The following OSBPL9 variants were observed in gnomAD, a reference collection of about 807,000 sequenced individuals.
OSBPL9 encodes the protein oxysterol binding protein like 9.
OSBPL9 carries 40 observed loss-of-function variants against 106.6 expected under a neutral mutation model. The ratio of observed to expected loss-of-function variants is 0.38; its 90% CI spans 0.29 to 0.49. OSBPL9 has a LOEUF of 0.49. Ranked by LOEUF, OSBPL9 falls within the 20% of genes least tolerant of loss-of-function variation. The pLI is 0.97. For missense variants in OSBPL9, 609 were observed against 887.2 expected (o/e 0.69, Z 3.98); for synonymous variants, 269 against 295.4 (o/e 0.91, Z 0.92).
the OSBPL9 span, among the ~76,000 whole-genome samples, chr1:51,543,747 A>T: frequency 6.6e-6 from 1 of 152,228 alleles, no homozygotes; most frequent in South Asian, 2.1e-4. Context: ...CACACATCTA[A>T]CTCAAAGCAG....
chr1:51,627,717 A>G (rs537854157), intron 1 of OSBPL9, among the ~76,000 whole-genome samples: 28 of 148,820 alleles, frequency 1.9e-4, no homozygotes, highest in Admixed American at 4.7e-4. Flanking sequence ...TGTCTCTCCT[A>G]ATTCTGTTTT....
chr1:51,585,734 C>T (rs1645244461), intron 1 of OSBPL9, among the ~76,000 whole-genome samples: 1 of 151,666 alleles, frequency 6.6e-6, no homozygotes, highest in African/African-American at 2.4e-5. Context: ...TGAGATCGTG[C>T]CACTGCGCTC....
intron 3 of OSBPL9, among the ~76,000 whole-genome samples, chr1:51,708,660 T>A (rs1163381048): frequency 6.6e-6 from 1 of 152,238 alleles, no homozygotes; most frequent in African/African-American, 2.4e-5. Flanking sequence ...GGCTTAAACA[T>A]TTGCCATCTT....
At chr1:51,753,525 T>G (rs1274885389) in intron 8 of OSBPL9, among the ~76,000 whole-genome samples, 1 of 152,242 alleles carries the variant, frequency 6.6e-6, no homozygotes, top group Non-Finnish European at 1.5e-5. Context: ...AAATATAAAT[T>G]GTTATAGCCA....
intron 3 of OSBPL9, among the ~76,000 whole-genome samples, chr1:51,708,427 A>G (rs1659090264): frequency 6.6e-6 from 1 of 152,032 alleles, no homozygotes; most frequent in African/African-American, 2.4e-5. Context: ...TCTGTTTTAC[A>G]TTTGTTGTAT....
intron 4 of OSBPL9, among the ~76,000 whole-genome samples, chr1:51,731,551 C>T (rs1422374406): frequency 6.6e-6 from 1 of 152,022 alleles, no homozygotes; most frequent in African/African-American, 2.4e-5. Flanking sequence ...CCGAGGCGGC[C>T]GGATCTCTTG....
intron 4 of OSBPL9, chr1:51,730,114 C>A (rs1462126421): frequency 4.0e-6 from 5 of 1,250,066 alleles, no homozygotes; most frequent in Non-Finnish European, 4.0e-6. Flanking sequence ...TCCTTCCCGC[C>A]GCCCCCTGGG....
intron 1 of OSBPL9, among the ~76,000 whole-genome samples, chr1:51,634,177 A>T (rs1246933003): frequency 1.3e-5 from 2 of 151,980 alleles, no homozygotes; most frequent in African/African-American, 4.8e-5. Flanking sequence ...CCTTTTTATA[A>T]TCTTGTTATT....
chr1:51,604,798 C>G (rs1041848866), intron 2 of OSBPL9, among the ~76,000 whole-genome samples: 3 of 151,896 alleles, frequency 2.0e-5, no homozygotes, highest in Non-Finnish European at 2.9e-5. Context: ...GGATTACAGG[C>G]GCCTGCCACC....
At chr1:51,536,889 G>A in the OSBPL9 span, among the ~76,000 whole-genome samples, 317 of 152,264 alleles carry the variant, frequency 2.1e-3, no homozygotes, top group African/African-American at 6.9e-3. Context: ...TTTGATCAGC[G>A]GATTAAGGTG....
intron 1 of OSBPL9, among the ~76,000 whole-genome samples, chr1:51,588,088 C>T (rs1645254838): frequency 6.6e-6 from 1 of 152,068 alleles, no homozygotes; most frequent in African/African-American, 2.4e-5. Flanking sequence ...ATTATGTATA[C>T]AGAAAAAAAT....
chr1:51,686,361 A>T (rs1653803553), intron 3 of OSBPL9, among the ~76,000 whole-genome samples: 1 of 152,186 alleles, frequency 6.6e-6, no homozygotes, highest in Admixed American at 6.5e-5. Flanking sequence ...TCTTTTCATC[A>T]CATGGTGCTG....
the OSBPL9 span, among the ~76,000 whole-genome samples, chr1:51,528,901 G>A: frequency 5.9e-5 from 9 of 151,906 alleles, no homozygotes; most frequent in East Asian, 7.7e-4. Context: ...TATCAATTCC[G>A]TTTACAATAA....
chr1:51,620,616 GT>G (rs1198901003), intron 1 of OSBPL9, among the ~76,000 whole-genome samples: 2 of 152,120 alleles, frequency 1.3e-5, no homozygotes, highest in Non-Finnish European at 1.5e-5. Flanking sequence ...GGGAATAAAA[GT>G]TTTTTGGAGG....
chr1:51,637,874 G>A (rs895557959), intron 1 of OSBPL9, among the ~76,000 whole-genome samples: 4 of 152,192 alleles, frequency 2.6e-5, no homozygotes, highest in African/African-American at 4.8e-5. Flanking sequence ...TCAAGATGCA[G>A]TATCTCCATG....
Position 51,597,421 on chromosome 1 carries a change from ATATGTGTGTG to A in OSBPL9, c.-422-701_-422-692del, listed in dbSNP as rs1321098704. ...GGAATATATGTGTGTATATATATAT[ATATGTGTGTG>A]TGTGTGTGTGTGTGTGTGTGTGTGT... On this transcript the variant is annotated intron_variant, in intron 1 of 25. Transcript: ENST00000371714. 5.9e-4 allele frequency among the ~76,000 whole-genome samples: 59 copies of A among 100,434 alleles called. 1 individual carries two copies. The highest frequency in any genetic ancestry group is 1.8e-3 in the African/African-American group (58 of 32,124). 65.9% of individuals were successfully genotyped at this position (100,434 alleles called of 152,430 possible).
chr1:51,722,528 T>A (rs2148915236), intron 4 of OSBPL9, among the ~76,000 whole-genome samples: 1 of 152,366 alleles, frequency 6.6e-6, no homozygotes, highest in African/African-American at 2.4e-5. Context: ...TGACATTTTA[T>A]TTATTCAACA....
the OSBPL9 span, among the ~76,000 whole-genome samples, chr1:51,570,263 A>C: frequency 6.6e-6 from 1 of 152,218 alleles, no homozygotes. Flanking sequence ...ACTCGTTACC[A>C]ATGTGTTTCA....
At chr1:51,702,116 A>G (rs1164852357) in intron 3 of OSBPL9, among the ~76,000 whole-genome samples, 1 of 152,208 alleles carries the variant, frequency 6.6e-6, no homozygotes, top group Non-Finnish European at 1.5e-5. Flanking sequence ...ATACGTGTGC[A>G]TGTGTCTTTA....
Sources: allele counts gnomAD v4.1 joint callset (sites outside exome capture counted in the v4.1 genomes callset), GRCh38; gene constraint gnomAD v4.1.1; transcripts MANE v1.5; gene names NCBI Gene and HGNC (gene_info 2026-07-23, HGNC 2026-07-21).